ZNF148: variants seen among roughly 807,000 people sequenced by gnomAD.
ZNF148 encodes the protein zinc finger protein 148, also known as Beta-Enolase Repressor Factor-1.
ZNF148 carries 7 observed loss-of-function variants against 67.7 expected under a neutral mutation model. The observed-to-expected ratio is 0.10, with a 90% confidence interval of 0.06 to 0.19. ZNF148 has a LOEUF of 0.19. ZNF148 is among the 10% of genes least tolerant of loss of function. The pLI is 1.00. For missense variants in ZNF148, 583 were observed against 947.1 expected (o/e 0.62, Z 5.05); for synonymous variants, 333 against 330.7 (o/e 1.01, Z -0.08).
Position 125,280,483 on chromosome 3 carries a change from A to G in ZNF148, c.460-1236T>C, listed in dbSNP as rs1304038797. On this transcript the variant is annotated intron_variant, in intron 5 of 8. Transcript: ENST00000360647. Reference sequence around the variant, plus strand: ...GCTCACTTCAGTTCAGGAGTTCGAGACCAGCCTGGGCAAAATGAGGAAACC... The same window carrying G: ...GCTCACTTCAGTTCAGGAGTTCGAGGCCAGCCTGGGCAAAATGAGGAAACC... Among the ~76,000 whole-genome samples, 4 of 152,122 alleles carry G rather than the reference A, an allele frequency of 2.6e-5. No homozygotes were observed. In the East Asian group the frequency reaches 7.7e-4, roughly 29 times the overall value.
Position 125,338,591 on chromosome 3 carries a change from C to G in ZNF148, c.-233-7353G>C, listed in dbSNP as rs117895216. On this transcript the variant is annotated intron_variant, in intron 1 of 8. Transcript: ENST00000360647. ...ATGAGAATCGCTTTAGCCTGGGGGGCAAAGGTCGCAGTGAGCCGACATTGT... is the reference window on the plus strand; with the variant it reads ...ATGAGAATCGCTTTAGCCTGGGGGGGAAAGGTCGCAGTGAGCCGACATTGT... Among the ~76,000 whole-genome samples the G allele has an allele frequency of 1.7e-3, 206 of 120,060 alleles. 3 individuals are homozygous for G. In the East Asian group the frequency reaches 0.045, roughly 26 times the overall value. The allele number at this position is 120,060 out of a possible 152,430, so 78.8% of individuals were successfully genotyped here. A position where few individuals can be genotyped will look rare whatever the true frequency, so the allele number is the denominator to read the frequency against.
At chr3:125,260,805 A>T (rs1937302085) in intron 7 of ZNF148, among the ~76,000 whole-genome samples, 1 of 152,238 alleles carries the variant, frequency 6.6e-6, no homozygotes, top group South Asian at 2.1e-4. Flanking sequence ...CTTCATGGAA[A>T]ACGAAGATTT....
chr3:125,366,607 G>A (rs371915241), intron 1 of ZNF148, among the ~76,000 whole-genome samples: 57 of 152,142 alleles, frequency 3.7e-4, no homozygotes, highest in East Asian at 2.1e-3. Context: ...GACAGTTACT[G>A]TATTATGAAA....
chr3:125,328,973 T>C (rs1028299581), intron 2 of ZNF148, among the ~76,000 whole-genome samples: 44 of 148,112 alleles, frequency 3.0e-4, no homozygotes, highest in African/African-American at 1.0e-3. Flanking sequence ...GTCCAATAAT[T>C]TTTCCCTTCG....
chr3:125,287,558 G>A (rs1219859022), intron 5 of ZNF148, among the ~76,000 whole-genome samples: 2 of 152,168 alleles, frequency 1.3e-5, no homozygotes, highest in African/African-American at 4.8e-5. Context: ...AGGATCCCTT[G>A]AGACTGGGAG....
At chr3:125,306,771 G>C (rs1939901675) in intron 4 of ZNF148, among the ~76,000 whole-genome samples, 1 of 151,912 alleles carries the variant, frequency 6.6e-6, no homozygotes, top group Non-Finnish European at 1.5e-5. Context: ...GAGGTGGGAG[G>C]ATCATTTAAG....
intron 3 of ZNF148, among the ~76,000 whole-genome samples, chr3:125,317,510 AT>A (rs2107682129): frequency 6.6e-6 from 1 of 151,962 alleles, no homozygotes; most frequent in East Asian, 1.9e-4. Context: ...GACTTGTTAA[AT>A]TAATTATGAC....
chr3:125,282,835 C>T (rs1206871442), intron 5 of ZNF148, among the ~76,000 whole-genome samples: 2 of 152,138 alleles, frequency 1.3e-5, no homozygotes, highest in Non-Finnish European at 2.9e-5. Flanking sequence ...ATCACTGCCA[C>T]TGAATAAATG....
intron 7 of ZNF148, 104 bp downstream of exon 7, chr3:125,277,622 T>G (rs1938144765): frequency 1.1e-6 from 1 of 929,716 alleles, no homozygotes; most frequent in African/African-American, 1.7e-5. Flanking sequence ...ATTTATAGTC[T>G]AAACCAATGG....
intron 1 of ZNF148, among the ~76,000 whole-genome samples, chr3:125,362,112 C>T (rs533753022): frequency 6.6e-6 from 1 of 152,298 alleles, no homozygotes; most frequent in Non-Finnish European, 1.5e-5. Context: ...TGTTAAGCAC[C>T]ACCAGAAAGC....
intron 2 of ZNF148, among the ~76,000 whole-genome samples, chr3:125,327,530 T>C (rs1247883928): frequency 6.6e-6 from 1 of 152,244 alleles, no homozygotes; most frequent in Non-Finnish European, 1.5e-5. Flanking sequence ...CATAAAAATA[T>C]GTTGTCTGAG....
At chr3:125,260,012 T>C (rs967992770) in intron 7 of ZNF148, among the ~76,000 whole-genome samples, 1 of 152,110 alleles carries the variant, frequency 6.6e-6, no homozygotes, top group Non-Finnish European at 1.5e-5. Flanking sequence ...GGGGTCACAG[T>C]AGAGGCAGAG....
Position 125,233,032 on chromosome 3 carries a change from G to T in ZNF148, c.1694C>A (p.Thr565Asn). 1 of 1,613,528 alleles carries T rather than the reference G, an allele frequency of 6.2e-7. No individual in the cohort carries two copies. The highest frequency in any genetic ancestry group is 2.2e-5 in the East Asian group (1 of 44,882). Reference sequence around the variant, plus strand: ...TATTGATATGCTAGAAGTCACTTCAGTATCTGCAACACTGAAGGATATCTC... The same window carrying T: ...TATTGATATGCTAGAAGTCACTTCATTATCTGCAACACTGAAGGATATCTC... ...QHEISFSVAD[T>N]EVTSSISINS... Residue 565 changes from threonine to asparagine, a missense_variant, in exon 9 of 9, where the codon ACT (threonine) becomes AAT (asparagine). Thr to Asn is a moderately conservative substitution (Grantham distance 65, BLOSUM62 0). Transcript: ENST00000360647. The surrounding 1 kb of genome is among the most constrained non-coding windows in gnomAD (Gnocchi z 5.1).
chr3:125,325,707 T>C (rs1940989946), intron 2 of ZNF148, among the ~76,000 whole-genome samples: 1 of 152,146 alleles, frequency 6.6e-6, no homozygotes, highest in Non-Finnish European at 1.5e-5. Context: ...TCAGGTGATC[T>C]GACCATCTTG....
intron 1 of ZNF148, among the ~76,000 whole-genome samples, chr3:125,374,512 G>T (rs964482338): frequency 6.6e-6 from 1 of 151,860 alleles, no homozygotes; most frequent in Non-Finnish European, 1.5e-5. Context: ...ACACCCCCCA[G>T]AATCCTCAAG....
intron 1 of ZNF148, among the ~76,000 whole-genome samples, chr3:125,365,282 C>T (rs961806673): frequency 2.9e-4 from 44 of 152,072 alleles, no homozygotes; most frequent in African/African-American, 1.1e-3. Flanking sequence ...ATACCCTGAA[C>T]GAATAAATTC....
At chr3:125,330,973 T>C (rs1941265383) in intron 2 of ZNF148, among the ~76,000 whole-genome samples, 185 bp downstream of exon 2, 1 of 152,132 alleles carries the variant, frequency 6.6e-6, no homozygotes, top group South Asian at 2.1e-4. Context: ...TGTACATATG[T>C]CCATATCTAC....
At chr3:125,300,680 A>G (rs1424375800) in intron 4 of ZNF148, among the ~76,000 whole-genome samples, 1 of 152,238 alleles carries the variant, frequency 6.6e-6, no homozygotes, top group Admixed American at 6.5e-5. Flanking sequence ...AATATTTCAT[A>G]TTTTATTACA....
chr3:125,316,908 T>C (rs1270209589), intron 3 of ZNF148, among the ~76,000 whole-genome samples: 1 of 152,126 alleles, frequency 6.6e-6, no homozygotes, highest in African/African-American at 2.4e-5. Flanking sequence ...CAATAAATAT[T>C]GAGGAAGTAG....
Sources: gnomAD v4.1 joint callset for allele counts (sites outside exome capture counted in the v4.1 genomes callset) on GRCh38, gnomAD v4.1.1 for gene constraint, Gnocchi (gnomAD v3.1) non-coding constraint, MANE v1.5 for transcripts, NCBI Gene and HGNC (gene_info 2026-07-23, HGNC 2026-07-21) for gene names.